The following NKAIN2 variants were observed in gnomAD, a reference collection of about 807,000 sequenced individuals.
NKAIN2 encodes sodium/potassium transporting ATPase interacting 2.
A neutral mutation model predicts 32.6 loss-of-function variants in NKAIN2; 14 were observed. The ratio of observed to expected loss-of-function variants is 0.43; its 90% CI spans 0.28 to 0.67. The LOEUF is 0.67. NKAIN2 is among the 30% of genes least tolerant of loss of function. The pLI is 0.17. For synonymous variants in NKAIN2, 80 were observed against 87.2 expected, an observed-to-expected ratio of 0.92 and a Z score of 0.46; for missense variants, 198 against 258.3, an observed-to-expected ratio of 0.77 and a Z score of 1.60.
At chr6:124,446,348 T>C (rs1562190348) in intron 3 of NKAIN2, among the ~76,000 whole-genome samples, 1 of 151,964 alleles carries the variant, frequency 6.6e-6, no homozygotes, top group Non-Finnish European at 1.5e-5. Context: ...TTTGTTTGTT[T>C]GTTTGTTTGT....
chr6:124,164,378 C>CGTTT (rs1203794088), intron 1 of NKAIN2, among the ~76,000 whole-genome samples: 1 of 152,036 alleles, frequency 6.6e-6, no homozygotes, highest in Admixed American at 6.6e-5. Context: ...ATCTGTTAAA[C>CGTTT]ATCACACAGA....
chr6:124,026,445 C>A (rs888842060), intron 1 of NKAIN2, among the ~76,000 whole-genome samples: 9 of 152,116 alleles, frequency 5.9e-5, no homozygotes, highest in African/African-American at 1.9e-4. Flanking sequence ...CTTCAATGCT[C>A]CTTTCCTTTT....
chr6:124,103,710 G>T (rs1784991087), intron 1 of NKAIN2, among the ~76,000 whole-genome samples: 1 of 152,194 alleles, frequency 6.6e-6, no homozygotes, highest in Non-Finnish European at 1.5e-5. Flanking sequence ...AATTTGTAAA[G>T]TGATGAATAT....
intron 3 of NKAIN2, among the ~76,000 whole-genome samples, chr6:124,450,738 C>T (rs115856475): frequency 6.6e-6 from 1 of 151,834 alleles, no homozygotes; most frequent in Non-Finnish European, 1.5e-5. Context: ...CATATTTGAA[C>T]CTGAGATTGT....
intron 3 of NKAIN2, among the ~76,000 whole-genome samples, chr6:124,638,823 G>C (rs2114344592): frequency 7.2e-6 from 1 of 139,494 alleles, no homozygotes; most frequent in African/African-American, 2.6e-5. Flanking sequence ...CCTGGGAGGT[G>C]GATGTTGCAG....
chr6:123,898,521 G>A (rs1305204044), intron 1 of NKAIN2, among the ~76,000 whole-genome samples: 1 of 149,020 alleles, frequency 6.7e-6, no homozygotes, highest in East Asian at 2.0e-4. Context: ...GGTGCAAAAT[G>A]TCCAGATATC....
At chr6:124,141,226 A>G (rs1787123274) in intron 1 of NKAIN2, among the ~76,000 whole-genome samples, 1 of 152,202 alleles carries the variant, frequency 6.6e-6, no homozygotes, top group African/African-American at 2.4e-5. Flanking sequence ...TCCTGGGAGC[A>G]ATGAAAATTC....
At chr6:124,655,184 T>C (rs1447847183) in intron 3 of NKAIN2, among the ~76,000 whole-genome samples, 1 of 152,098 alleles carries the variant, frequency 6.6e-6, no homozygotes, top group African/African-American at 2.4e-5. Context: ...GAAGAGATTG[T>C]CTTTCTTGGG....
chr6:124,565,761 T>C (rs1461181707), intron 3 of NKAIN2, among the ~76,000 whole-genome samples: 1 of 152,194 alleles, frequency 6.6e-6, no homozygotes, highest in Non-Finnish European at 1.5e-5. Context: ...TAATAATGGC[T>C]GGATGCAGGA....
intron 2 of NKAIN2, among the ~76,000 whole-genome samples, chr6:124,352,750 T>G (rs530558715): frequency 6.6e-6 from 1 of 152,310 alleles, no homozygotes; most frequent in Non-Finnish European, 1.5e-5. Context: ...TGTAATCAGT[T>G]AAGTCATTGA....
intron 3 of NKAIN2, among the ~76,000 whole-genome samples, chr6:124,611,792 C>A (rs1782699851): frequency 6.6e-6 from 1 of 152,122 alleles, no homozygotes; most frequent in South Asian, 2.1e-4. Context: ...TATAAGGAGT[C>A]TTTGCTAAGA....
At chr6:124,371,538 A>C (rs1419210483) in intron 3 of NKAIN2, among the ~76,000 whole-genome samples, 1 of 151,230 alleles carries the variant, frequency 6.6e-6, no homozygotes, top group Non-Finnish European at 1.5e-5. Context: ...CTAAAAATAC[A>C]AAAAAATTAG....
At chr6:124,450,656 G>A (rs946930815) in intron 3 of NKAIN2, among the ~76,000 whole-genome samples, 1 of 151,688 alleles carries the variant, frequency 6.6e-6, no homozygotes, top group Non-Finnish European at 1.5e-5. Flanking sequence ...ATCCTGATAA[G>A]AATATTAATT....
intron 4 of NKAIN2, among the ~76,000 whole-genome samples, chr6:124,735,815 C>A (rs1410289633): frequency 6.6e-6 from 1 of 151,870 alleles, no homozygotes; most frequent in Admixed American, 6.6e-5. Context: ...TGTGTTCTGA[C>A]TGCTCAATTC....
At chr6:124,360,909 C>A (rs2114274057) in intron 3 of NKAIN2, among the ~76,000 whole-genome samples, 1 of 152,208 alleles carries the variant, frequency 6.6e-6, no homozygotes. Flanking sequence ...TGCCTTTGGG[C>A]ATCAAATGTG....
chr6:124,291,785 G>A (rs1795825613), intron 2 of NKAIN2, among the ~76,000 whole-genome samples: 1 of 151,958 alleles, frequency 6.6e-6, no homozygotes, highest in Non-Finnish European at 1.5e-5. Context: ...TCCCCTGAAA[G>A]CCCTCAAGCC....
chr6:124,756,138 A>G (rs141756653), intron 4 of NKAIN2, among the ~76,000 whole-genome samples: 1 of 152,264 alleles, frequency 6.6e-6, no homozygotes, highest in Non-Finnish European at 1.5e-5. Context: ...ATATTTTTAC[A>G]TAAATAAATA....
chr6:124,761,436 C>T (rs1778261915), intron 4 of NKAIN2, among the ~76,000 whole-genome samples: 1 of 152,100 alleles, frequency 6.6e-6, no homozygotes, highest in East Asian at 1.9e-4. Flanking sequence ...AGAAAGATGC[C>T]ACTCATTTGT....
chr6:124,754,370 C>T lies in NKAIN2; in HGVS notation c.475-36969C>T, dbSNP rs572741933. ...AATTAAATTAGACTTTATTGAGAAT[C>T]TTCTATCTGCTGGTCGTTGAGTAAA... is the stretch of plus-strand genomic sequence containing the variant. On this transcript the variant is annotated intron_variant, in intron 4 of 6. Transcript: ENST00000368417. 1.6e-3 allele frequency among the ~76,000 whole-genome samples: 240 copies of T among 152,118 alleles called. 3 individuals carry two copies. The highest frequency in any genetic ancestry group is 5.3e-3 in the African/African-American group (221 of 41,520).
Sources: gnomAD v4.1 joint callset for allele counts (sites outside exome capture counted in the v4.1 genomes callset) on GRCh38, gnomAD v4.1.1 for gene constraint, MANE v1.5 for transcripts, NCBI Gene and HGNC (gene_info 2026-07-23, HGNC 2026-07-21) for gene names.